Variants in AGBL4 observed in about 807,000 individuals in gnomAD.
The protein encoded by AGBL4 is AGBL carboxypeptidase 4.
Under a neutral mutation model 66.4 loss-of-function variants are expected in AGBL4, and 58 were observed. The observed-to-expected ratio is 0.87, with a 90% CI of 0.71 to 1.09. The LOEUF is 1.09. Ranked by LOEUF, AGBL4 falls within the 50% of genes least tolerant of loss-of-function variation. AGBL4 has a pLI of 0.00. For missense variants in AGBL4, 579 were observed against 631.0 expected (o/e 0.92, Z 0.88); for synonymous variants, 234 against 222.9 (o/e 1.05, Z -0.44).
intron 5 of AGBL4, among the ~76,000 whole-genome samples, chr1:48,927,396 A>G (rs1286444974): frequency 6.6e-6 from 1 of 152,154 alleles, no homozygotes; most frequent in Non-Finnish European, 1.5e-5. Context: ...TCATGAGAAG[A>G]ACATGGGGAA....
intron 3 of AGBL4, among the ~76,000 whole-genome samples, chr1:49,299,623 T>C (rs1260630770): frequency 2.6e-5 from 4 of 152,214 alleles, no homozygotes; most frequent in African/African-American, 9.6e-5. Flanking sequence ...GTATACCTTG[T>C]ATTTCCTTTT....
At chr1:49,279,875 A>T (rs1048727035) in intron 3 of AGBL4, among the ~76,000 whole-genome samples, 2 of 152,186 alleles carry the variant, frequency 1.3e-5, no homozygotes, top group African/African-American at 4.8e-5. Context: ...CCCAGAACTC[A>T]ACTGCCTTTG....
At chr1:49,671,006 C>A (rs1457915344) in intron 3 of AGBL4, among the ~76,000 whole-genome samples, 1 of 151,826 alleles carries the variant, frequency 6.6e-6, no homozygotes, top group African/African-American at 2.4e-5. Context: ...TATATGGAAC[C>A]AAAAAAGAGT....
intron 2 of AGBL4, among the ~76,000 whole-genome samples, chr1:49,811,438 G>A (rs1468532735): frequency 6.6e-6 from 1 of 152,016 alleles, no homozygotes; most frequent in African/African-American, 2.4e-5. Flanking sequence ...TACTTACAAA[G>A]TTCATTCTTA....
intron 9 of AGBL4, among the ~76,000 whole-genome samples, chr1:48,631,387 C>T (rs1270590629): frequency 6.6e-6 from 1 of 152,092 alleles, no homozygotes; most frequent in African/African-American, 2.4e-5. Context: ...GGTGTTTTTG[C>T]ATCATTATTA....
At chr1:49,323,969 TTA>T (rs1020699118) in intron 3 of AGBL4, among the ~76,000 whole-genome samples, 2 of 152,174 alleles carry the variant, frequency 1.3e-5, no homozygotes, top group Non-Finnish European at 2.9e-5. Context: ...TGAAATAGAA[TTA>T]GTCAAAACTG....
intron 6 of AGBL4, among the ~76,000 whole-genome samples, chr1:48,676,872 G>A (rs76285490): frequency 0.018 from 2,685 of 152,222 alleles, 77 homozygotes; most frequent in African/African-American, 0.06. Flanking sequence ...TCAGTGTTCT[G>A]GGGAAGAACT....
rs541114210 is a variant in AGBL4 at position 48,750,690 on chromosome 1, T to C, written c.635-87449A>G. On this transcript the variant is annotated intron_variant, in intron 6 of 13. Coordinates refer to ENST00000371839, the MANE Select transcript of AGBL4 (RefSeq NM_032785.4). ...CAATAATGTTCCCTGCACAAAAACA[T>C]TTCCCTACGGTCAGAGCTATCCAAT... Among the ~76,000 whole-genome samples the C allele has an allele frequency of 3.3e-5, 5 of 152,330 alleles. 1 individual carries two copies. The South Asian group carries it at 6.2e-4, about 19-fold the overall frequency.
intron 4 of AGBL4, among the ~76,000 whole-genome samples, chr1:49,049,732 A>G (rs543234703): frequency 6.8e-4 from 103 of 152,244 alleles, no homozygotes; most frequent in African/African-American, 2.4e-3. Context: ...TACAAGTATT[A>G]GAAGCTTTAG....
intron 3 of AGBL4, among the ~76,000 whole-genome samples, chr1:49,405,653 G>A (rs1645180500): frequency 6.6e-6 from 1 of 152,092 alleles, no homozygotes; most frequent in African/African-American, 2.4e-5. Flanking sequence ...CTTTGATGAG[G>A]TGTACCTTAG....
intron 3 of AGBL4, among the ~76,000 whole-genome samples, chr1:49,344,737 G>T (rs1033257114): frequency 6.6e-6 from 1 of 152,114 alleles, no homozygotes; most frequent in Non-Finnish European, 1.5e-5. Flanking sequence ...GTTTTATTAA[G>T]AATTGGATTT....
intron 4 of AGBL4, among the ~76,000 whole-genome samples, chr1:49,152,749 A>C (rs1392574508): frequency 6.6e-6 from 1 of 152,260 alleles, no homozygotes; most frequent in Admixed American, 6.5e-5. Context: ...CTGGGAGATG[A>C]ACAATATGCC....
intron 1 of AGBL4, among the ~76,000 whole-genome samples, chr1:49,935,502 T>A (rs1653885615): frequency 1.3e-5 from 2 of 152,144 alleles, no homozygotes; most frequent in Non-Finnish European, 1.5e-5. Flanking sequence ...AGCAGGCAGC[T>A]GGAGATCTGA....
chr1:49,625,703 T>A (rs965832100), intron 3 of AGBL4, among the ~76,000 whole-genome samples: 1 of 152,180 alleles, frequency 6.6e-6, no homozygotes, highest in Non-Finnish European at 1.5e-5. Flanking sequence ...TCCAGAGAGC[T>A]GAGCTTTCAG....
intron 1 of AGBL4, among the ~76,000 whole-genome samples, chr1:49,978,047 T>C (rs1041824340): frequency 6.6e-6 from 1 of 152,226 alleles, no homozygotes; most frequent in Non-Finnish European, 1.5e-5. Context: ...AATGACTTTA[T>C]CTTCAAATTT....
In AGBL4 at chr1:49,012,458, ATACT is replaced by A. The variant is rs1662513510; in HGVS notation, c.594+33122_594+33125del. Among the ~76,000 whole-genome samples, 3 of 152,238 alleles carry A rather than the reference ATACT, an allele frequency of 2.0e-5. No individual in the cohort carries two copies. The South Asian group carries it at 6.2e-4, about 31-fold the overall frequency. On this transcript the variant is annotated intron_variant, in intron 5 of 13. Coordinates refer to ENST00000371839, the MANE Select transcript of AGBL4 (RefSeq NM_032785.4). ...TCTTATATACTAGGCACTGTGGTAC[ATACT>A]TAACATAAGAGCATGTAGTTGTCAT...
At chr1:49,275,878 C>G (rs1644157680) in intron 3 of AGBL4, among the ~76,000 whole-genome samples, 3 of 152,060 alleles carry the variant, frequency 2.0e-5, no homozygotes, top group South Asian at 4.1e-4. Flanking sequence ...AAAATCACCA[C>G]AATAACATGT....
intron 1 of AGBL4, among the ~76,000 whole-genome samples, chr1:50,000,602 C>CA (rs1339451113): frequency 6.6e-6 from 1 of 152,044 alleles, no homozygotes; most frequent in Non-Finnish European, 1.5e-5. Flanking sequence ...AGACATTATA[C>CA]AAAAAAGACA....
intron 6 of AGBL4, among the ~76,000 whole-genome samples, chr1:48,756,764 G>A (rs1643952388): frequency 6.6e-6 from 1 of 152,214 alleles, no homozygotes; most frequent in Admixed American, 6.5e-5. Flanking sequence ...TTTCACTGAT[G>A]AGAGACAGTG....
Sources: allele counts gnomAD v4.1 joint callset (sites outside exome capture counted in the v4.1 genomes callset), GRCh38; gene constraint gnomAD v4.1.1; transcripts MANE v1.5; gene names NCBI Gene and HGNC (gene_info 2026-07-23, HGNC 2026-07-21).